The following TRIO variants were observed in gnomAD, a reference collection of about 807,000 sequenced individuals.
The protein encoded by TRIO is triple functional domain protein.
In TRIO, 58 loss-of-function variants were observed where a neutral mutation model predicts 351.9. The observed-to-expected ratio is 0.16, with a 90% confidence interval of 0.13 to 0.21. The LOEUF is 0.21. Among genes scored for constraint, TRIO ranks in the 10% least tolerant of loss-of-function variants. The probability of loss-of-function intolerance (pLI) is 1.00; values close to 1 mark genes in which losing one functional copy is unlikely to be tolerated. For missense variants in TRIO, 3,201 were observed against 4,027.8 expected, an observed-to-expected ratio of 0.79 and a Z score of 5.56; for synonymous variants, 1,758 against 1,595.7, an observed-to-expected ratio of 1.10 and a Z score of -2.42.
rs1293575321 is a variant in TRIO, at chr5:14,487,873, G to A, written c.7245G>A (p.Leu2415=). The A allele has an allele frequency of 6.5e-7, 1 of 1,539,680 alleles. No individual in the cohort carries two copies. Among genetic ancestry groups the A allele is most frequent in the Non-Finnish European group, 8.8e-7 (1 of 1,142,780 alleles). Residue 2415 remains leucine (L), a synonymous_variant, in exon 48 of 57, where the codon CTG becomes CTA. Coordinates refer to ENST00000344204, the MANE Select transcript of TRIO (RefSeq NM_007118.4). ...EAEPIPKMKV[L]ESPRKGAANA... is the part of the protein sequence containing the mutation. ...AGCCGATCCCCAAGATGAAGGTGCT[G>A]GAGAGCCCCAGGAAAGGCGCCGCGA... is the stretch of plus-strand genomic sequence containing the variant.
intron 1 of TRIO, among the ~76,000 whole-genome samples, chr5:14,145,290 CT>C (rs937068965): frequency 6.6e-6 from 1 of 152,228 alleles, no homozygotes; most frequent in African/African-American, 2.4e-5. Context: ...TGGTTTAGTA[CT>C]GTCTTCTCTT....
At chr5:14,302,023 T>C (rs1449496382) in intron 7 of TRIO, among the ~76,000 whole-genome samples, 1 of 152,218 alleles carries the variant, frequency 6.6e-6, no homozygotes, top group Admixed American at 6.5e-5. Flanking sequence ...ACACCATCCT[T>C]CCCTGGCTAT....
chr5:14,194,885 G>A (rs1045563504), intron 1 of TRIO, among the ~76,000 whole-genome samples: 22 of 152,066 alleles, frequency 1.4e-4, no homozygotes, highest in Non-Finnish European at 2.2e-4. Context: ...ATATTTTGCC[G>A]TTTGTTATAC....
intron 9 of TRIO, among the ~76,000 whole-genome samples, chr5:14,317,855 G>C (rs1739505112): frequency 1.3e-5 from 2 of 152,148 alleles, no homozygotes; most frequent in Non-Finnish European, 2.9e-5. Context: ...GGCCAGGCGA[G>C]GTAGCTCACG....
chr5:14,363,748 A>C lies in TRIO; in HGVS notation c.2408A>C (p.Glu803Ala). The C allele has an allele frequency of 6.2e-7, 1 of 1,613,670 alleles. No individual in the cohort carries two copies. The highest frequency in any genetic ancestry group is 8.5e-7 in the Non-Finnish European group (1 of 1,179,748). Residue 803 changes from glutamate (E) to alanine (A), a missense_variant, in exon 14 of 57, where the codon GAG becomes GCG. Coordinates refer to ENST00000344204, the MANE Select transcript of TRIO (RefSeq NM_007118.4). ...RDAIDIISDL[E>A]SWNDELSQQM... ...TTCTTTCAGATTATCTCAGACCTCGAGTCTTGGAATGATGAGCTTTCTCAG... is the reference window on the plus strand; with the variant it reads ...TTCTTTCAGATTATCTCAGACCTCGCGTCTTGGAATGATGAGCTTTCTCAG...
In TRIO at chr5:14,388,698, T is replaced by C; in HGVS notation, c.3948+19T>C. On this transcript the variant is annotated intron_variant, in intron 24 of 56. Coordinates refer to ENST00000344204, the MANE Select transcript of TRIO (RefSeq NM_007118.4). Reference sequence around the variant, plus strand: ...TATGGATGTAAGTAAGTTTTTTTTTTTTTTTTTTGCTTGTTTATTTAGATT... The same window carrying C: ...TATGGATGTAAGTAAGTTTTTTTTTCTTTTTTTTGCTTGTTTATTTAGATT... The C allele has an allele frequency of 6.2e-7, 1 of 1,601,792 alleles. No homozygotes were observed.
intron 1 of TRIO, among the ~76,000 whole-genome samples, chr5:14,260,754 G>A (rs374199770): frequency 6.6e-6 from 1 of 152,212 alleles, no homozygotes; most frequent in Non-Finnish European, 1.5e-5. Flanking sequence ...TAACGTTGTG[G>A]AGTACATTAG....
At chr5:14,418,398 T>C (rs1415089098) in intron 33 of TRIO, among the ~76,000 whole-genome samples, 2 of 152,088 alleles carry the variant, frequency 1.3e-5, no homozygotes, top group East Asian at 3.9e-4. Context: ...CAGGAGCCCC[T>C]GCGGGACCCA....
chr5:14,161,543 C>T (rs1000075504), intron 1 of TRIO, among the ~76,000 whole-genome samples: 6 of 152,126 alleles, frequency 3.9e-5, no homozygotes, highest in Non-Finnish European at 7.3e-5. Flanking sequence ...CTGACCCCAG[C>T]GCCGGCCCAG....
chr5:14,187,765 G>A (rs1270980192), intron 1 of TRIO, among the ~76,000 whole-genome samples: 1 of 151,892 alleles, frequency 6.6e-6, no homozygotes, highest in Non-Finnish European at 1.5e-5. Flanking sequence ...TAGGTGTTGC[G>A]TTCTGTGGAG....
At chr5:14,275,615 A>G (rs1231545921) in intron 2 of TRIO, among the ~76,000 whole-genome samples, 1 of 151,774 alleles carries the variant, frequency 6.6e-6, no homozygotes, top group African/African-American at 2.4e-5. Context: ...TCTGCTTTTA[A>G]AATATGAGCA....
chr5:14,411,594 C>A (rs1264129648), intron 33 of TRIO, among the ~76,000 whole-genome samples: 5 of 152,126 alleles, frequency 3.3e-5, no homozygotes, highest in Admixed American at 3.3e-4. Context: ...AAAAACATAA[C>A]TGGTTTCAGT....
At chr5:14,491,689 G>A (rs959999651) in intron 48 of TRIO, among the ~76,000 whole-genome samples, 1 of 152,150 alleles carries the variant, frequency 6.6e-6, no homozygotes. Flanking sequence ...CTCACTGACC[G>A]AGTCACTCAC....
intron 41 of TRIO, among the ~76,000 whole-genome samples, 199 bp from the exon 42 acceptor site, chr5:14,479,062 G>A (rs1755320197): frequency 6.6e-6 from 1 of 152,166 alleles, no homozygotes; most frequent in African/African-American, 2.4e-5. Context: ...AGAGTGATGG[G>A]GGAAGGACTG....
At chr5:14,383,471 A>T (rs1477023445) in intron 21 of TRIO, among the ~76,000 whole-genome samples, 1 of 152,182 alleles carries the variant, frequency 6.6e-6, no homozygotes, top group African/African-American at 2.4e-5. Flanking sequence ...TATATGAAAG[A>T]ATTTTTCCAT....
chr5:14,414,512 T>G (rs1455227185), intron 33 of TRIO, among the ~76,000 whole-genome samples: 3 of 152,218 alleles, frequency 2.0e-5, no homozygotes, highest in Non-Finnish European at 4.4e-5. Flanking sequence ...GTAGAGGGAC[T>G]GGCATCCTCA....
At chr5:14,280,279 T>A (rs1425488016) in intron 2 of TRIO, 43 bp from the exon 3 acceptor site, 1 of 1,561,192 alleles carries the variant, frequency 6.4e-7, no homozygotes, top group Non-Finnish European at 8.8e-7. Context: ...AGGATTTCTG[T>A]CTTATCTTGT....
Position 14,504,605 on chromosome 5 carries a change from C to G in TRIO, c.8612+12C>G. On this transcript the variant is annotated intron_variant, in intron 55 of 56. Transcript: ENST00000344204. The stretch of plus-strand genomic sequence containing the variant: ...CTGGTCTTAGAAATGTGCGTACACA[C>G]CTGGCCTTCCCTCTGCCCAGCCCTC... 1 of 1,613,178 alleles carries G rather than the reference C, an allele frequency of 6.2e-7. No homozygotes were observed. Among genetic ancestry groups the G allele is most frequent in the Non-Finnish European group, 8.5e-7 (1 of 1,179,354 alleles).
In TRIO at chr5:14,405,955, T is replaced by C. The variant is rs1268968290; in HGVS notation, c.4824T>C (p.Pro1608=). ...CCCTGAAGGAGCCCATTCACATCCC[T>C]AAGACCGCTCCCGCCACAAGACAGA... ...KGALKEPIHI[P]KTAPATRQKG... The change falls in exon 32 of 57, where the codon CCT becomes CCC. Residue 1608 remains proline, a synonymous_variant. Coordinates refer to ENST00000344204, the MANE Select transcript of TRIO (RefSeq NM_007118.4). The C allele has an allele frequency of 1.2e-6, 2 of 1,609,546 alleles. No homozygotes were observed. The highest frequency in any genetic ancestry group is 2.2e-5 in the East Asian group (1 of 44,798).
Sources: allele counts gnomAD v4.1 joint callset (sites outside exome capture counted in the v4.1 genomes callset), GRCh38; gene constraint gnomAD v4.1.1; transcripts MANE v1.5; gene names NCBI Gene and HGNC (gene_info 2026-07-23, HGNC 2026-07-21).